Variants in RAD51B observed in about 807,000 individuals in gnomAD.
The protein encoded by RAD51B is DNA repair protein RAD51 homolog 2.
A neutral mutation model predicts 42.2 loss-of-function variants in RAD51B; 38 were observed. The observed-to-expected ratio is 0.90, with a 90% CI of 0.70 to 1.18. The LOEUF (loss-of-function observed/expected upper bound fraction) is 1.18, where lower values mean the gene tolerates loss of function less well. Among genes scored for constraint, RAD51B ranks in the 50% most tolerant of loss-of-function variants. The pLI is 0.00. For synonymous variants in RAD51B, 154 were observed against 145.2 expected (o/e 1.06, Z -0.43); for missense variants, 373 against 400.7 (o/e 0.93, Z 0.59).
chr14:67,941,029 G>C (rs1050732366), intron 7 of RAD51B, among the ~76,000 whole-genome samples: 1 of 152,160 alleles, frequency 6.6e-6, no homozygotes, highest in African/African-American at 2.4e-5. Context: ...ACATGATGCA[G>C]TATTTAATTT....
chr14:68,163,512 A>C (rs1321529869), intron 7 of RAD51B, among the ~76,000 whole-genome samples: 1 of 151,926 alleles, frequency 6.6e-6, no homozygotes, highest in Non-Finnish European at 1.5e-5. Context: ...TTTTGGCCTC[A>C]CTTCTTTACC....
At chr14:68,326,685 A>G (rs530386792) in intron 8 of RAD51B, among the ~76,000 whole-genome samples, 1 of 152,376 alleles carries the variant, frequency 6.6e-6, no homozygotes, top group African/African-American at 2.4e-5. Flanking sequence ...AAATGAGCAC[A>G]GGTTGCCACT....
chr14:67,903,698 G>C (rs1260806016), intron 7 of RAD51B, among the ~76,000 whole-genome samples: 1 of 152,240 alleles, frequency 6.6e-6, no homozygotes, highest in Middle Eastern at 3.4e-3. Flanking sequence ...ACTGAGGATA[G>C]CCATGTGATC....
At chr14:67,993,427 A>T (rs2140296627) in intron 7 of RAD51B, among the ~76,000 whole-genome samples, 1 of 152,282 alleles carries the variant, frequency 6.6e-6, no homozygotes. Flanking sequence ...TCCCACAAAC[A>T]ACTGATAACA....
At chr14:68,277,444 G>T (rs1329014836) in intron 7 of RAD51B, among the ~76,000 whole-genome samples, 1 of 152,110 alleles carries the variant, frequency 6.6e-6, no homozygotes, top group Non-Finnish European at 1.5e-5. Context: ...TCCCCTTCAG[G>T]ATCAAGGAAT....
intron 7 of RAD51B, among the ~76,000 whole-genome samples, chr14:67,988,308 A>C (rs544351696): frequency 3.9e-5 from 6 of 152,150 alleles, no homozygotes; most frequent in African/African-American, 1.4e-4. Flanking sequence ...AAAATACAAA[A>C]ATTAGCCGGG....
At chr14:67,858,553 A>C (rs1845394082) in intron 4 of RAD51B, among the ~76,000 whole-genome samples, 1 of 152,238 alleles carries the variant, frequency 6.6e-6, no homozygotes, top group African/African-American at 2.4e-5. Flanking sequence ...TTTTAAAGCA[A>C]AGACACCACT....
chr14:68,586,215 C>G (rs1169557050), intron 10 of RAD51B, among the ~76,000 whole-genome samples: 1 of 152,168 alleles, frequency 6.6e-6, no homozygotes, highest in Non-Finnish European at 1.5e-5. Flanking sequence ...GAGGACTATT[C>G]AAAGCTGGGC....
chr14:68,457,348 G>T (rs2085722582), intron 9 of RAD51B, among the ~76,000 whole-genome samples: 1 of 152,132 alleles, frequency 6.6e-6, no homozygotes, highest in South Asian at 2.1e-4. Context: ...AATTAGAAAT[G>T]AGTGAAAATG....
chr14:68,539,337 C>T (rs1887824600), intron 10 of RAD51B, among the ~76,000 whole-genome samples: 1 of 152,132 alleles, frequency 6.6e-6, no homozygotes, highest in Non-Finnish European at 1.5e-5. Flanking sequence ...CATGCTTCTT[C>T]CAGGTTCATC....
chr14:68,181,938 C>T (rs899182930), intron 7 of RAD51B, among the ~76,000 whole-genome samples: 2 of 152,144 alleles, frequency 1.3e-5, no homozygotes, highest in Non-Finnish European at 2.9e-5. Flanking sequence ...TAAGACAGTA[C>T]ATTTATGTAT....
chr14:68,631,794 T>A (rs947185834), intron 10 of RAD51B, among the ~76,000 whole-genome samples: 17 of 152,140 alleles, frequency 1.1e-4, no homozygotes, highest in African/African-American at 4.1e-4. Flanking sequence ...AAGACGCCGC[T>A]CAGGCTCCTG....
chr14:68,142,049 G>T (rs1156969945), intron 7 of RAD51B, among the ~76,000 whole-genome samples: 2 of 152,204 alleles, frequency 1.3e-5, no homozygotes, highest in East Asian at 3.9e-4. Flanking sequence ...ATTAAATGAT[G>T]CTTGGTAAAG....
At chr14:67,963,995 G>A (rs1408194985) in intron 7 of RAD51B, among the ~76,000 whole-genome samples, 2 of 151,692 alleles carry the variant, frequency 1.3e-5, no homozygotes, top group African/African-American at 2.4e-5. Flanking sequence ...TTAAACTAAC[G>A]TCATACAGCC....
intron 10 of RAD51B, among the ~76,000 whole-genome samples, chr14:68,484,359 C>CTT (rs10665607): frequency 0.12 from 16,126 of 130,000 alleles, 1,410 homozygotes; most frequent in East Asian, 0.47. Context: ...CTTTCTTTTT[C>CTT]TTTTTTTTTT....
chr14:68,220,177 T>A (rs1419131058), intron 7 of RAD51B, among the ~76,000 whole-genome samples: 1 of 152,186 alleles, frequency 6.6e-6, no homozygotes, highest in Non-Finnish European at 1.5e-5. Flanking sequence ...CCAAGAAATT[T>A]GGTACTATGC....
intron 8 of RAD51B, among the ~76,000 whole-genome samples, chr14:68,314,078 C>T (rs2082011651): frequency 6.6e-6 from 1 of 152,198 alleles, no homozygotes; most frequent in African/African-American, 2.4e-5. Context: ...AATTCCTCCT[C>T]CTACTTCCTC....
At chr14:68,013,224 CT>C (rs2075716163) in intron 7 of RAD51B, among the ~76,000 whole-genome samples, 1 of 152,156 alleles carries the variant, frequency 6.6e-6, no homozygotes, top group African/African-American at 2.4e-5. Context: ...CTAGTTTGGG[CT>C]TCCTTAAGTA....
intron 7 of RAD51B, among the ~76,000 whole-genome samples, chr14:68,028,021 G>GTCAGA (rs1169342231): frequency 6.6e-6 from 1 of 152,118 alleles, no homozygotes; most frequent in African/African-American, 2.4e-5. Context: ...TTTTCAGAGG[G>GTCAGA]TCAGGACTCT....
Sources: gnomAD v4.1 joint callset for allele counts (sites outside exome capture counted in the v4.1 genomes callset) on GRCh38, gnomAD v4.1.1 for gene constraint, MANE v1.5 for transcripts, NCBI Gene and HGNC (gene_info 2026-07-23, HGNC 2026-07-21) for gene names.